Variants in DOCK4 observed in about 807,000 individuals in gnomAD.
DOCK4 encodes dedicator of cytokinesis protein 4.
A neutral mutation model predicts 268.1 loss-of-function variants in DOCK4; 97 were observed. The ratio of observed to expected loss-of-function variants is 0.36; its 90% CI spans 0.31 to 0.43. DOCK4 has a LOEUF of 0.43. DOCK4 is among the 20% of genes least tolerant of loss of function. The pLI, the probability that DOCK4 is intolerant of heterozygous loss-of-function variation, is 1.00. For synonymous variants in DOCK4, 954 were observed against 887.2 expected (o/e 1.08, Z -1.34); for missense variants, 2,145 against 2,455.7 (o/e 0.87, Z 2.67).
At chr7:111,870,262 A>G (rs1806302282) in intron 20 of DOCK4, among the ~76,000 whole-genome samples, 1 of 151,386 alleles carries the variant, frequency 6.6e-6, no homozygotes, top group Admixed American at 6.6e-5. Flanking sequence ...AACTCTCAAG[A>G]TGACAGTCTT....
At chr7:112,021,186 C>A (rs936701500) in intron 1 of DOCK4, among the ~76,000 whole-genome samples, 1 of 152,110 alleles carries the variant, frequency 6.6e-6, no homozygotes, top group Non-Finnish European at 1.5e-5. Flanking sequence ...AAAAAAGAAT[C>A]AATAAAATGC....
intron 25 of DOCK4, among the ~76,000 whole-genome samples, chr7:111,836,388 T>C (rs1803245320): frequency 6.6e-6 from 1 of 152,034 alleles, no homozygotes; most frequent in Non-Finnish European, 1.5e-5. Flanking sequence ...CCAATAAATT[T>C]AACCTCACTC....
intron 1 of DOCK4, among the ~76,000 whole-genome samples, chr7:112,182,740 C>T (rs958610447): frequency 6.6e-6 from 1 of 152,192 alleles, no homozygotes; most frequent in Non-Finnish European, 1.5e-5. Context: ...AGCTTTATGG[C>T]CAATAAACTC....
At chr7:111,783,036 A>C in intron 34 of DOCK4, 112 bp from the exon 35 acceptor site, 1 of 1,012,964 alleles carries the variant, frequency 9.9e-7, no homozygotes, top group Non-Finnish European at 1.5e-6. Flanking sequence ...AAAAAAAAGA[A>C]GCCACTTTTA....
At chr7:112,059,786 C>T (rs1586738443) in intron 1 of DOCK4, among the ~76,000 whole-genome samples, 1 of 152,240 alleles carries the variant, frequency 6.6e-6, no homozygotes, top group East Asian at 1.9e-4. Context: ...GAGACATTTT[C>T]CAATAGCTTT....
chr7:112,174,494 T>A (rs772650527), intron 1 of DOCK4, among the ~76,000 whole-genome samples: 2 of 152,004 alleles, frequency 1.3e-5, no homozygotes, highest in Non-Finnish European at 2.9e-5. Context: ...CTTCTCTTTA[T>A]CATCACATCG....
At chr7:112,046,322 G>T (rs1804821143) in intron 1 of DOCK4, among the ~76,000 whole-genome samples, 1 of 152,056 alleles carries the variant, frequency 6.6e-6, no homozygotes, top group Non-Finnish European at 1.5e-5. Flanking sequence ...GTTCTGCCTT[G>T]AATCATTTAA....
chr7:112,023,937 C>T (rs1483634069), intron 1 of DOCK4, among the ~76,000 whole-genome samples: 2 of 152,216 alleles, frequency 1.3e-5, no homozygotes, highest in Admixed American at 6.5e-5. Flanking sequence ...GACTAAGTGA[C>T]GCAGTACAGA....
At chr7:111,888,890 T>C (rs187230441) in intron 16 of DOCK4, among the ~76,000 whole-genome samples, 1 of 152,070 alleles carries the variant, frequency 6.6e-6, no homozygotes, top group East Asian at 1.9e-4. Flanking sequence ...GTTAGGGTAT[T>C]TGGAGACAGC....
At chr7:112,117,918 G>A (rs1402648606) in intron 1 of DOCK4, among the ~76,000 whole-genome samples, 1 of 151,992 alleles carries the variant, frequency 6.6e-6, no homozygotes, top group Non-Finnish European at 1.5e-5. Flanking sequence ...AGACATCACT[G>A]CACTTTCTAA....
chr7:111,810,456 C>CA (rs59452952), intron 28 of DOCK4, among the ~76,000 whole-genome samples: 32 of 136,094 alleles, frequency 2.4e-4, no homozygotes, highest in Non-Finnish European at 4.1e-4. Context: ...TGTCTCAAAA[C>CA]AAAAAAAAGA....
chr7:111,910,418 T>C (rs1234002074), intron 13 of DOCK4, among the ~76,000 whole-genome samples: 1 of 152,212 alleles, frequency 6.6e-6, no homozygotes, highest in East Asian at 1.9e-4. Flanking sequence ...GCCCTTAAAA[T>C]GTGACTCGCT....
intron 12 of DOCK4, among the ~76,000 whole-genome samples, chr7:111,930,002 T>C (rs867014862): frequency 1.3e-5 from 2 of 152,228 alleles, no homozygotes; most frequent in Non-Finnish European, 2.9e-5. Context: ...CTCAGTCTAA[T>C]GTCACATTCC....
intron 32 of DOCK4, 139 bp from the exon 33 acceptor site, chr7:111,784,262 T>G (rs1799002555): frequency 1.0e-6 from 1 of 980,318 alleles, no homozygotes; most frequent in Non-Finnish European, 1.6e-6. Context: ...GCTTCTCCCT[T>G]ACACTAACAG....
rs1797299452 is a variant in DOCK4, at chr7:111,760,314, C to G, written c.4029G>C (p.Glu1343Asp). 1.9e-6 allele frequency: 3 copies of G among 1,612,794 alleles called. No individual in the cohort carries two copies. Among genetic ancestry groups the G allele is most frequent in the Non-Finnish European group, 2.5e-6 (3 of 1,179,046 alleles). The change falls in exon 40 of 53, where the codon GAG (glutamate) becomes GAC (aspartate). Residue 1343 changes from glutamate to aspartate, a missense_variant. Glu to Asp is a conservative substitution (Grantham distance 45). Around this residue, in one of 2 missense-constraint regions of DOCK4, gnomAD observed 1,598 missense variants for 1,986.7 expected, o/e 0.80. Coordinates refer to ENST00000428084, the MANE Select transcript of DOCK4 (RefSeq NM_001363540.2). ...CGTAGTCATGCCCTCGACACACAAA[C>G]TCCTTATTCTGGAGATGAAAGCAAA... is the stretch of plus-strand genomic sequence containing the variant. Reference protein sequence around the residue: ...KKFPFFLRNKEFVCRGHDYER... With the variant: ...KKFPFFLRNKDFVCRGHDYER...
chr7:111,758,838 G>A (rs73715247), intron 40 of DOCK4, 48 bp from the exon 41 acceptor site: 2 of 1,590,564 alleles, frequency 1.3e-6, no homozygotes, highest in Admixed American at 1.7e-5. Flanking sequence ...AAACTCCATG[G>A]AAGTCTGGCT....
intron 23 of DOCK4, among the ~76,000 whole-genome samples, chr7:111,849,286 G>A (rs1440671939): frequency 2.8e-5 from 4 of 143,768 alleles, no homozygotes; most frequent in East Asian, 4.0e-4. Context: ...TTTTTGAGAC[G>A]GAGTCTTGCT....
chr7:111,902,587 T>C (rs1384670352), intron 13 of DOCK4, among the ~76,000 whole-genome samples: 1 of 152,180 alleles, frequency 6.6e-6, no homozygotes, highest in East Asian at 1.9e-4. Context: ...TTACTTCTTT[T>C]ATAAAAATTA....
chr7:111,882,527 T>C (rs990557249), intron 16 of DOCK4, among the ~76,000 whole-genome samples: 2 of 152,240 alleles, frequency 1.3e-5, no homozygotes, highest in Non-Finnish European at 2.9e-5. Context: ...TGTTCAAATA[T>C]TTTCAAGGCT....
Sources: allele counts gnomAD v4.1 joint callset (sites outside exome capture counted in the v4.1 genomes callset), GRCh38; gene constraint gnomAD v4.1.1; regional missense constraint gnomAD v4.1.1; transcripts MANE v1.5; gene names NCBI Gene and HGNC (gene_info 2026-07-23, HGNC 2026-07-21).